The following NALF1 variants were observed in gnomAD, a reference collection of about 807,000 sequenced individuals.
The protein encoded by NALF1 is family with sequence similarity 155 member A.
Under a neutral mutation model 48.4 loss-of-function variants are expected in NALF1, and 3 were observed. That is an observed-to-expected ratio of 0.06 (90% CI 0.03 to 0.16). The LOEUF (loss-of-function observed/expected upper bound fraction) is 0.16. Among genes scored for constraint, NALF1 ranks in the 10% least tolerant of loss-of-function variants. The pLI is 1.00. For missense variants in NALF1, 526 were observed against 571.5 expected, an observed-to-expected ratio of 0.92 and a Z score of 0.81; for synonymous variants, 262 against 245.7, an observed-to-expected ratio of 1.07 and a Z score of -0.62.
At chr13:107,455,335 A>T (rs58960899) in intron 1 of NALF1, among the ~76,000 whole-genome samples, 7,418 of 152,090 alleles carry the variant, frequency 0.049, 616 homozygotes, top group African/African-American at 0.17. Context: ...CACCTCAAAA[A>T]TTCTATGTTT....
intron 1 of NALF1, among the ~76,000 whole-genome samples, chr13:107,740,220 T>C (rs1450974218): frequency 6.6e-6 from 1 of 152,182 alleles, no homozygotes; most frequent in Non-Finnish European, 1.5e-5. Context: ...TTTTTATTTA[T>C]CTCAAGTAAA....
At chr13:107,356,028 A>G (rs1882957335) in intron 1 of NALF1, among the ~76,000 whole-genome samples, 1 of 152,164 alleles carries the variant, frequency 6.6e-6, no homozygotes, top group Non-Finnish European at 1.5e-5. Context: ...TGTCTTTACT[A>G]TGTCAAGTTA....
At chr13:107,582,802 GA>G (rs1878351813) in intron 1 of NALF1, among the ~76,000 whole-genome samples, 1 of 152,094 alleles carries the variant, frequency 6.6e-6, no homozygotes. Flanking sequence ...TAAATAAAAA[GA>G]AAATCCTGTA....
At chr13:107,745,768 C>A (rs929893734) in intron 1 of NALF1, among the ~76,000 whole-genome samples, 1 of 152,110 alleles carries the variant, frequency 6.6e-6, no homozygotes, top group Non-Finnish European at 1.5e-5. Flanking sequence ...GTGGAAGGGA[C>A]CTTCTTGGGA....
intron 1 of NALF1, among the ~76,000 whole-genome samples, chr13:107,639,811 T>C (rs751088442): frequency 2.6e-5 from 4 of 152,214 alleles, no homozygotes; most frequent in African/African-American, 4.8e-5. Context: ...CATTCTTTTA[T>C]TCTTATTTCT....
intron 1 of NALF1, among the ~76,000 whole-genome samples, chr13:107,554,944 G>A (rs1406253711): frequency 1.3e-5 from 2 of 152,098 alleles, no homozygotes; most frequent in African/African-American, 2.4e-5. Context: ...CAACTGTGCA[G>A]AAGAGCTTTG....
At chr13:107,395,090 T>C (rs1327558062) in intron 1 of NALF1, among the ~76,000 whole-genome samples, 1 of 152,134 alleles carries the variant, frequency 6.6e-6, no homozygotes, top group African/African-American at 2.4e-5. Flanking sequence ...TCTTTTGAGG[T>C]GCTACATGAG....
intron 1 of NALF1, among the ~76,000 whole-genome samples, chr13:107,690,599 T>G (rs1206018550): frequency 6.6e-6 from 1 of 152,162 alleles, no homozygotes; most frequent in East Asian, 1.9e-4. Context: ...TAGAGAGCAA[T>G]GATACTATCT....
At chr13:107,767,238 G>A (rs1297397080) in intron 1 of NALF1, among the ~76,000 whole-genome samples, 1 of 152,112 alleles carries the variant, frequency 6.6e-6, no homozygotes, top group African/African-American at 2.4e-5. Context: ...TTTTTCTAAA[G>A]TTAAAGTCAC....
rs1875941280 is a variant in NALF1 at position 107,720,205 on chromosome 13, A to G, written c.915+145477T>C. On this transcript the variant is annotated intron_variant, in intron 1 of 2. Transcript: ENST00000375915. Reference sequence around the variant, plus strand: ...CTCCTTAAAGACAATAATGTGCTCTATTCAATTTTACAATACGCATAGTTG... The same window carrying G: ...CTCCTTAAAGACAATAATGTGCTCTGTTCAATTTTACAATACGCATAGTTG... Among the ~76,000 whole-genome samples the G allele has an allele frequency of 3.3e-5, 5 of 152,274 alleles. No individual in the cohort carries two copies. The South Asian group carries it at 1.0e-3, about 32-fold the overall frequency.
intron 1 of NALF1, among the ~76,000 whole-genome samples, chr13:107,593,051 C>A (rs1374052145): frequency 1.3e-5 from 2 of 151,914 alleles, no homozygotes; most frequent in East Asian, 3.9e-4. Flanking sequence ...AATATATTTA[C>A]TCTAACTGCA....
At chr13:107,398,411 T>C (rs2138989109) in intron 1 of NALF1, among the ~76,000 whole-genome samples, 1 of 149,162 alleles carries the variant, frequency 6.7e-6, no homozygotes. Context: ...ACCCAAACAG[T>C]ATAGACTAAA....
chr13:107,793,114 T>C (rs1157713999), intron 1 of NALF1, among the ~76,000 whole-genome samples: 4 of 152,336 alleles, frequency 2.6e-5, no homozygotes, highest in East Asian at 1.9e-4. Context: ...TAATAACTTA[T>C]ATAGTTTGAC....
intron 1 of NALF1, among the ~76,000 whole-genome samples, chr13:107,297,753 A>G (rs1881752322): frequency 6.6e-6 from 1 of 152,220 alleles, no homozygotes; most frequent in Admixed American, 6.5e-5. Flanking sequence ...ATATTTTAAT[A>G]ATGACTTCTT....
intron 1 of NALF1, among the ~76,000 whole-genome samples, chr13:107,499,183 G>A (rs1036283645): frequency 5.3e-5 from 8 of 151,754 alleles, no homozygotes; most frequent in Non-Finnish European, 1.2e-4. Context: ...ACATACCTAT[G>A]ATCACCTTAT....
intron 1 of NALF1, among the ~76,000 whole-genome samples, chr13:107,552,171 A>T (rs1305814819): frequency 3.3e-5 from 5 of 152,174 alleles, no homozygotes; most frequent in Admixed American, 3.3e-4. Flanking sequence ...AGATAGACAT[A>T]TTCCCTTACT....
At chr13:107,696,129 T>A (rs1881696297) in intron 1 of NALF1, among the ~76,000 whole-genome samples, 1 of 152,166 alleles carries the variant, frequency 6.6e-6, no homozygotes, top group Non-Finnish European at 1.5e-5. Flanking sequence ...AACTCTGATC[T>A]CAGCTAATCT....
At chr13:107,596,129 A>G (rs963821926) in intron 1 of NALF1, among the ~76,000 whole-genome samples, 1 of 152,180 alleles carries the variant, frequency 6.6e-6, no homozygotes, top group Non-Finnish European at 1.5e-5. Flanking sequence ...ACCTCAACAA[A>G]TACAAAGTAG....
intron 1 of NALF1, among the ~76,000 whole-genome samples, chr13:107,728,827 G>T (rs1876231219): frequency 6.6e-6 from 1 of 152,152 alleles, no homozygotes; most frequent in Non-Finnish European, 1.5e-5. Context: ...TCAGAGGCTG[G>T]CATAGCTGAG....
Sources: gnomAD v4.1 joint callset for allele counts (sites outside exome capture counted in the v4.1 genomes callset) on GRCh38, gnomAD v4.1.1 for gene constraint, MANE v1.5 for transcripts, NCBI Gene and HGNC (gene_info 2026-07-23, HGNC 2026-07-21) for gene names.